POPDC1: variants seen among roughly 807,000 people sequenced by gnomAD.
The protein encoded by POPDC1 is popeye domain cAMP effector 1.
the POPDC1 span, among the ~76,000 whole-genome samples, chr6:105,107,372 C>T: frequency 2.0e-5 from 3 of 152,178 alleles, no homozygotes; most frequent in East Asian, 1.9e-4. Flanking sequence ...ATTTCTATTT[C>T]AGTGTGCTTC....
chr6:105,133,137 T>C, the POPDC1 span, among the ~76,000 whole-genome samples: 1 of 152,176 alleles, frequency 6.6e-6, no homozygotes, highest in South Asian at 2.1e-4. Context: ...CTAAACAACA[T>C]ATGAAAGCAC....
At chr6:105,098,663 A>G in the POPDC1 span, 1 of 152,232 alleles carries the variant, frequency 6.6e-6, no homozygotes, top group Non-Finnish European at 1.5e-5. Flanking sequence ...CAATGGTTAA[A>G]GGAAAGTAGT....
the POPDC1 span, chr6:105,125,270 A>G: frequency 8.2e-7 from 1 of 1,220,978 alleles, no homozygotes; most frequent in Non-Finnish European, 1.2e-6. Flanking sequence ...TTCCACCAAC[A>G]ACAAACTCTG....
At chr6:105,127,357 C>T in the POPDC1 span, among the ~76,000 whole-genome samples, 1 of 152,152 alleles carries the variant, frequency 6.6e-6, no homozygotes, top group Admixed American at 6.5e-5. Flanking sequence ...AAAATGCAAT[C>T]ATTATCTACC....
the POPDC1 span, among the ~76,000 whole-genome samples, chr6:105,109,670 G>A: frequency 5.0e-3 from 754 of 150,304 alleles, 3 homozygotes; most frequent in Non-Finnish European, 8.5e-3. Flanking sequence ...CCTGGGAGGC[G>A]GGAGGACATC....
the POPDC1 span, among the ~76,000 whole-genome samples, chr6:105,126,865 T>C: frequency 1.3e-5 from 2 of 152,246 alleles, no homozygotes; most frequent in Non-Finnish European, 2.9e-5. Context: ...AAAAGAGTTT[T>C]AGTGTAGAAG....
the POPDC1 span, among the ~76,000 whole-genome samples, chr6:105,127,231 T>C: frequency 0.11 from 16,082 of 152,182 alleles, 1,098 homozygotes; most frequent in African/African-American, 0.19. Flanking sequence ...AGTAGATTTA[T>C]AGTATGAGAA....
At chr6:105,124,060 C>A in the POPDC1 span, among the ~76,000 whole-genome samples, 5 of 152,158 alleles carry the variant, frequency 3.3e-5, no homozygotes, top group African/African-American at 1.2e-4. Context: ...TAGAATATAT[C>A]TTTCTATAAC....
chr6:105,126,850 G>T, the POPDC1 span, among the ~76,000 whole-genome samples: 2 of 152,196 alleles, frequency 1.3e-5, no homozygotes, highest in South Asian at 2.1e-4. Context: ...AAAATAAAAG[G>T]GTGTAAAAGA....
the POPDC1 span, among the ~76,000 whole-genome samples, chr6:105,102,181 G>A: frequency 6.6e-6 from 1 of 152,324 alleles, no homozygotes; most frequent in Admixed American, 6.5e-5. Context: ...CTCAGCTGGG[G>A]AGAAGGTTGA....
chr6:105,116,570 C>A, the POPDC1 span: 1 of 698,460 alleles, frequency 1.4e-6, no homozygotes. Flanking sequence ...TTTCTCCTCT[C>A]AAGATTACAA....
the POPDC1 span, among the ~76,000 whole-genome samples, chr6:105,127,286 T>C: frequency 5.5e-4 from 84 of 152,218 alleles, no homozygotes; most frequent in Non-Finnish European, 7.3e-5. Context: ...TTTGGTGCTA[T>C]GATCATATCA....
the POPDC1 span, chr6:105,115,697 A>G: frequency 6.2e-7 from 1 of 1,614,148 alleles, no homozygotes; most frequent in Non-Finnish European, 8.5e-7. Flanking sequence ...AAGAGAGGAC[A>G]TGCTGGAGGT....
chr6:105,126,832 G>C, the POPDC1 span, among the ~76,000 whole-genome samples: 2 of 152,194 alleles, frequency 1.3e-5, no homozygotes, highest in Non-Finnish European at 2.9e-5. Context: ...CTCAAGTAAA[G>C]TGAAGGAAAA....
the POPDC1 span, among the ~76,000 whole-genome samples, chr6:105,111,188 A>C: frequency 6.6e-6 from 1 of 152,254 alleles, no homozygotes; most frequent in Non-Finnish European, 1.5e-5. Flanking sequence ...GATTTTAAAA[A>C]AAAATCCAAA....
the POPDC1 span, among the ~76,000 whole-genome samples, chr6:105,121,066 C>T: frequency 2.0e-5 from 3 of 152,120 alleles, no homozygotes; most frequent in Non-Finnish European, 4.4e-5. Flanking sequence ...AGAGCATGGA[C>T]ATATGCCTGC....
chr6:105,116,285 A>G, the POPDC1 span, among the ~76,000 whole-genome samples: 4 of 152,088 alleles, frequency 2.6e-5, no homozygotes, highest in Admixed American at 6.6e-5. Context: ...CTCTCCTTTC[A>G]CTTTCTCGCC....
the POPDC1 span, among the ~76,000 whole-genome samples, chr6:105,123,339 G>A: frequency 2.6e-5 from 4 of 152,258 alleles, no homozygotes; most frequent in East Asian, 7.7e-4. Context: ...TAACATAGGA[G>A]GGCTGGACAC....
chr6:105,124,655 T>C, the POPDC1 span: 1 of 1,572,502 alleles, frequency 6.4e-7, no homozygotes. Context: ...AGACCTTCAT[T>C]CTGATAACAG....
Sources: gnomAD v4.1 joint callset for allele counts (sites outside exome capture counted in the v4.1 genomes callset) on GRCh38, gnomAD v4.1.1 for gene constraint, MANE v1.5 for transcripts, NCBI Gene and HGNC (gene_info 2026-07-23, HGNC 2026-07-21) for gene names.